UGT2B15: variants seen among roughly 807,000 people sequenced by gnomAD.
The protein encoded by UGT2B15 is UDP glucuronosyltransferase family 2 member B15.
UGT2B15 carries 36 observed loss-of-function variants against 45.9 expected under a neutral mutation model. That is an observed-to-expected ratio of 0.78 (90% CI 0.60 to 1.04). The LOEUF is 1.04. UGT2B15 is among the 50% of genes least tolerant of loss of function. UGT2B15 has a pLI of 0.00. For synonymous variants in UGT2B15, 219 were observed against 216.4 expected, an observed-to-expected ratio of 1.01 and a Z score of -0.11; for missense variants, 617 against 622.4, an observed-to-expected ratio of 0.99 and a Z score of 0.09.
chr4:68,658,009 C>T (rs1202846199), intron 3 of UGT2B15, among the ~76,000 whole-genome samples: 5 of 151,986 alleles, frequency 3.3e-5, no homozygotes, highest in Non-Finnish European at 7.4e-5. Flanking sequence ...GTAAATTTTG[C>T]TATTTAATTT....
intron 2 of UGT2B15, among the ~76,000 whole-genome samples, chr4:68,664,495 A>G (rs1025395583): frequency 9.2e-5 from 14 of 152,264 alleles, no homozygotes; most frequent in African/African-American, 3.1e-4. Context: ...AAATAAAAAA[A>G]GAAATTCTAA....
chr4:68,659,626 G>T (rs1732904628), intron 3 of UGT2B15, among the ~76,000 whole-genome samples: 1 of 151,918 alleles, frequency 6.6e-6, no homozygotes, highest in Non-Finnish European at 1.5e-5. Context: ...TGTCCATTGT[G>T]TCTTTGACTG....
intron 3 of UGT2B15, among the ~76,000 whole-genome samples, chr4:68,659,780 T>C (rs1246612667): frequency 6.6e-6 from 1 of 151,970 alleles, no homozygotes; most frequent in Non-Finnish European, 1.5e-5. Context: ...ATTGTGACAT[T>C]AGAATGGAAG....
chr4:68,660,848 C>T (rs6815824), intron 3 of UGT2B15, among the ~76,000 whole-genome samples: 58,514 of 151,396 alleles, frequency 0.39, 11,975 homozygotes, highest in Middle Eastern at 0.51. Context: ...AACTTAAACT[C>T]CAGAAGAAAA....
chr4:68,667,692 T>C (rs542336428), intron 2 of UGT2B15, among the ~76,000 whole-genome samples: 5 of 152,336 alleles, frequency 3.3e-5, no homozygotes, highest in African/African-American at 1.2e-4. Flanking sequence ...GAGCAGAAAC[T>C]GTGCTACCTT....
intron 5 of UGT2B15, 121 bp from the exon 6 acceptor site, chr4:68,647,504 G>T: frequency 8.3e-7 from 1 of 1,201,000 alleles, no homozygotes; most frequent in Non-Finnish European, 1.1e-6. Context: ...TCACTGAATT[G>T]GCATGAAATT....
Position 68,670,400 on chromosome 4 carries a change from T to A in UGT2B15, c.219A>T (p.Lys73Asn), listed in dbSNP as rs1316457991. Residue 73 changes from lysine to asparagine, a missense_variant, in exon 1 of 6, where the codon AAA (lysine) becomes AAT (asparagine). Transcript: ENST00000338206. ...LVNASKSSAIKLEVYPTSLTK... is the reference protein window; with the variant it reads ...LVNASKSSAINLEVYPTSLTK... Reference sequence around the variant, plus strand: ...TTAAAGATGTAGGATAAACTTCTAATTTAATAGCAGATGATTTACTGGCAT... The same window carrying A: ...TTAAAGATGTAGGATAAACTTCTAAATTAATAGCAGATGATTTACTGGCAT... The A allele has an allele frequency of 1.2e-6, 2 of 1,613,580 alleles. No individual in the cohort carries two copies. The highest frequency in any genetic ancestry group is 8.5e-7 in the Non-Finnish European group (1 of 1,179,960).
intron 1 of UGT2B15, 143 bp from the exon 2 acceptor site, chr4:68,668,331 T>C: frequency 8.4e-7 from 1 of 1,184,406 alleles, no homozygotes; most frequent in East Asian, 2.7e-5. Context: ...TATATATAAA[T>C]ACATTTATAT....
In UGT2B15 at chr4:68,654,869, G is replaced by A. The variant is rs140778975; in HGVS notation, c.1093+226C>T. 2.3e-3 allele frequency among the ~76,000 whole-genome samples: 351 copies of A among 152,074 alleles called. 15 individuals are homozygous for A. The East Asian group carries it at 0.058, about 25-fold the overall frequency. ...AGAGGAAATTACACCTGAACAAAGA[G>A]ATTTTTATTCTGACCATAAAGAATG... On this transcript the variant is annotated intron_variant, in intron 4 of 5. Transcript: ENST00000338206.
At chr4:68,667,695 G>A (rs958067339) in intron 2 of UGT2B15, among the ~76,000 whole-genome samples, 4 of 152,132 alleles carry the variant, frequency 2.6e-5, no homozygotes, top group East Asian at 3.8e-4. Flanking sequence ...CAGAAACTGT[G>A]CTACCTTTAT....
intron 1 of UGT2B15, 24 bp downstream of exon 1, chr4:68,669,871 G>A (rs955378407): frequency 1.0e-5 from 16 of 1,575,354 alleles, no homozygotes; most frequent in African/African-American, 2.8e-5. Context: ...AACTTAATAA[G>A]CACCAGTTAG....
At chr4:68,649,551 G>T (rs1396806631) in intron 5 of UGT2B15, among the ~76,000 whole-genome samples, 1 of 151,628 alleles carries the variant, frequency 6.6e-6, no homozygotes, top group Non-Finnish European at 1.5e-5. Context: ...AAAGTGTCGG[G>T]ATTACAGGTG....
At chr4:68,648,793 T>C (rs570652565) in intron 5 of UGT2B15, among the ~76,000 whole-genome samples, 7 of 152,202 alleles carry the variant, frequency 4.6e-5, no homozygotes, top group Admixed American at 2.6e-4. Context: ...GTATTGTTTA[T>C]ATAATTGAAT....
chr4:68,664,324 G>A (rs1733056358), intron 2 of UGT2B15, among the ~76,000 whole-genome samples: 1 of 150,014 alleles, frequency 6.7e-6, no homozygotes, highest in East Asian at 1.9e-4. Context: ...TAAGTTTCCT[G>A]GATATCATAT....
chr4:68,666,511 A>G (rs1199778020), intron 2 of UGT2B15, among the ~76,000 whole-genome samples: 1 of 152,048 alleles, frequency 6.6e-6, no homozygotes, highest in Non-Finnish European at 1.5e-5. Flanking sequence ...CACACAGCAC[A>G]ATATGAAGTT....
chr4:68,648,614 T>C (rs1010982969), intron 5 of UGT2B15, among the ~76,000 whole-genome samples: 7 of 152,078 alleles, frequency 4.6e-5, no homozygotes, highest in African/African-American at 1.7e-4. Context: ...TAAATGTATA[T>C]ATACTATGTG....
intron 2 of UGT2B15, among the ~76,000 whole-genome samples, chr4:68,667,193 C>A (rs1240440995): frequency 6.6e-6 from 1 of 151,028 alleles, no homozygotes; most frequent in Non-Finnish European, 1.5e-5. Flanking sequence ...GACAGAGTCT[C>A]GCTCTGTCGC....
intron 2 of UGT2B15, among the ~76,000 whole-genome samples, chr4:68,666,659 C>A (rs573011607): frequency 6.4e-4 from 97 of 151,044 alleles, no homozygotes; most frequent in African/African-American, 2.2e-3. Flanking sequence ...GAAATCTGAT[C>A]ATATCTCTTC....
chr4:68,664,266 CAAAA>C (rs151053424), intron 2 of UGT2B15, among the ~76,000 whole-genome samples: 1 of 142,890 alleles, frequency 7.0e-6, no homozygotes, highest in Non-Finnish European at 1.5e-5. Context: ...ATTCTCACAC[CAAAA>C]AAAAAAAAAG....
Sources: gnomAD v4.1 joint callset for allele counts (sites outside exome capture counted in the v4.1 genomes callset) on GRCh38, gnomAD v4.1.1 for gene constraint, MANE v1.5 for transcripts, NCBI Gene and HGNC (gene_info 2026-07-23, HGNC 2026-07-21) for gene names.